Variants in FAM91A1 observed in about 807,000 individuals in gnomAD.
FAM91A1 encodes protein FAM91A1.
A neutral mutation model predicts 113.5 loss-of-function variants in FAM91A1; 41 were observed. That is an observed-to-expected ratio of 0.36 (90% CI 0.28 to 0.47). The LOEUF (loss-of-function observed/expected upper bound fraction) is 0.47, where lower values mean the gene tolerates loss of function less well. FAM91A1 is among the 20% of genes least tolerant of loss of function. The pLI is 1.00. For synonymous variants in FAM91A1, 307 were observed against 347.9 expected (o/e 0.88, Z 1.31); for missense variants, 696 against 1,001.2 (o/e 0.70, Z 4.11).
At chr8:123,782,942 T>A (rs780192253) in intron 8 of FAM91A1, among the ~76,000 whole-genome samples, 1 of 152,058 alleles carries the variant, frequency 6.6e-6, no homozygotes, top group Non-Finnish European at 1.5e-5. Context: ...AGCCAAGGTA[T>A]GAGAATTGCT....
At chr8:123,795,062 A>G (rs897527270) in intron 15 of FAM91A1, among the ~76,000 whole-genome samples, 6 of 152,206 alleles carry the variant, frequency 3.9e-5, no homozygotes, top group African/African-American at 1.4e-4. Flanking sequence ...ATACCTATAG[A>G]CTCTAATATG....
intron 1 of FAM91A1, 61 bp from the exon 2 acceptor site, chr8:123,774,019 A>C: frequency 7.4e-7 from 1 of 1,357,886 alleles, no homozygotes; most frequent in South Asian, 1.3e-5. Flanking sequence ...GTGTTATGGG[A>C]AAAAATAGTA....
intron 1 of FAM91A1, 71 bp downstream of exon 1, chr8:123,768,845 C>G (rs933699498): frequency 2.1e-5 from 31 of 1,482,286 alleles, no homozygotes; most frequent in Non-Finnish European, 2.2e-5. Flanking sequence ...TTGCCTCGCT[C>G]GCGGGGCCCG....
chr8:123,801,652 TAAA>T (rs756215922), intron 18 of FAM91A1, among the ~76,000 whole-genome samples: 4 of 152,174 alleles, frequency 2.6e-5, no homozygotes, highest in African/African-American at 9.7e-5. Flanking sequence ...GTGGAAGACT[TAAA>T]AAGAACTATC....
At position 123,812,686 on chromosome 8, in the gene FAM91A1, T is replaced by C. The variant is rs1241239863; in HGVS notation, c.2499T>C (p.Ala833=). The C allele has an allele frequency of 6.3e-7, 1 of 1,580,882 alleles. No homozygotes were observed. The highest frequency in any genetic ancestry group is 8.6e-7 in the Non-Finnish European group (1 of 1,168,136). Residue 833 remains alanine (A), a synonymous_variant, in exon 24 of 24, where the codon GCT becomes GCC. Transcript: ENST00000334705. ...GGTCACCTTCCTCACTTCTTATTGC[T>C]AATCTCCATTTGCAATAATTTGGTT... ...SGRSPSSLLI[A]NLHLQ is the part of the protein sequence containing the mutation.
chr8:123,810,471 G>A (rs1815925107), intron 23 of FAM91A1, 120 bp downstream of exon 23: 2 of 977,566 alleles, frequency 2.0e-6, no homozygotes, highest in Admixed American at 1.9e-5. Context: ...TAATTTTATT[G>A]TACAAATGAA....
intron 1 of FAM91A1, among the ~76,000 whole-genome samples, chr8:123,773,841 G>A (rs569180323): frequency 3.3e-5 from 5 of 151,984 alleles, no homozygotes; most frequent in African/African-American, 7.2e-5. Context: ...TAAATACTTC[G>A]GATAATTTTA....
chr8:123,775,076 A>G, intron 2 of FAM91A1, 71 bp from the exon 3 acceptor site: 1 of 1,388,546 alleles, frequency 7.2e-7, no homozygotes. Flanking sequence ...GTTGGTTTGT[A>G]AAGTGTTCAT....
chr8:123,801,947 G>A (rs1208373169), intron 18 of FAM91A1, among the ~76,000 whole-genome samples: 1 of 152,174 alleles, frequency 6.6e-6, no homozygotes, highest in East Asian at 1.9e-4. Context: ...AAGCTGTTCA[G>A]TGTTTTTGAG....
At chr8:123,790,680 A>G (rs1482241849) in intron 15 of FAM91A1, among the ~76,000 whole-genome samples, 1 of 152,220 alleles carries the variant, frequency 6.6e-6, no homozygotes, top group Admixed American at 6.5e-5. Flanking sequence ...GGGAGGATTC[A>G]GCTGTTACTT....
In FAM91A1 at chr8:123,800,118, C is replaced by T. The variant is rs574398117; in HGVS notation, c.1809+233C>T. ...GCATTGCAGCCTCACCTGCTTGCTG[C>T]GTGACCATGATTTTTTTTATTTTTT... On this transcript the variant is annotated intron_variant, in intron 18 of 23. Transcript: ENST00000334705. Among the ~76,000 whole-genome samples, 18 of 152,058 alleles carry T rather than the reference C, an allele frequency of 1.2e-4. No homozygotes were observed. In the South Asian group the frequency reaches 3.1e-3, roughly 26 times the overall value.
At chr8:123,783,535 G>A (rs1815173788) in intron 8 of FAM91A1, among the ~76,000 whole-genome samples, 1 of 152,166 alleles carries the variant, frequency 6.6e-6, no homozygotes, top group African/African-American at 2.4e-5. Context: ...CAGTGTCTCA[G>A]TTTTGACCAT....
At chr8:123,802,964 G>C (rs1375326829) in intron 18 of FAM91A1, among the ~76,000 whole-genome samples, 4 of 152,218 alleles carry the variant, frequency 2.6e-5, no homozygotes, top group Non-Finnish European at 4.4e-5. Context: ...AGTAGAAGTA[G>C]AGTGAAGGAA....
intron 14 of FAM91A1, 74 bp from the exon 15 acceptor site, chr8:123,789,539 C>G: frequency 6.3e-7 from 1 of 1,590,768 alleles, no homozygotes; most frequent in Non-Finnish European, 8.5e-7. Context: ...TCTTATATCT[C>G]TATTATATGA....
At chr8:123,779,021 G>A (rs927356986) in intron 6 of FAM91A1, among the ~76,000 whole-genome samples, 7 of 152,120 alleles carry the variant, frequency 4.6e-5, no homozygotes, top group Non-Finnish European at 1.0e-4. Context: ...TAGAAGCTTC[G>A]TGTAAAGTAA....
At position 123,812,848 on chromosome 8, in the gene FAM91A1, G is replaced by A. The variant is rs760010989; in HGVS notation, c.*144G>A. ...ATTAAAAGTTGGGGAACATATTCAT[G>A]TTTTCTGAAGTTTTGCTCATTATTG... On this transcript the variant is annotated 3_prime_UTR_variant, in exon 24 of 24. Coordinates refer to ENST00000334705, the MANE Select transcript of FAM91A1 (RefSeq NM_144963.4). The A allele has an allele frequency of 2.0e-5, 15 of 738,438 alleles. No homozygotes were observed. Among genetic ancestry groups the A allele is most frequent in the East Asian group, 3.2e-5 (1 of 31,718 alleles). The allele number at this position is 738,438 out of a possible 1,614,324, so 45.7% of individuals were successfully genotyped here.
intron 9 of FAM91A1, 157 bp from the exon 10 acceptor site, chr8:123,784,924 T>C (rs1815216299): frequency 3.8e-6 from 2 of 530,060 alleles, no homozygotes; most frequent in African/African-American, 2.0e-5. Context: ...ATCTTAGAGA[T>C]AGGGAAAGAA....
chr8:123,777,449 T>G (rs1815013529), intron 4 of FAM91A1, 127 bp downstream of exon 4: 2 of 793,752 alleles, frequency 2.5e-6, no homozygotes, highest in Admixed American at 2.7e-5. Flanking sequence ...GTAAGCAACA[T>G]TATCAGTGAG....
rs1211072841 is a variant in FAM91A1, at chr8:123,787,363, A to G, written c.1181A>G (p.Asn394Ser). ...CTTACTGCCTTCTTAATGATGGGAA[A>G]TCTTTCACCAGTAAGCCCAATTCTT... is the stretch of plus-strand genomic sequence containing the variant. ...STLTAFLMMG[N>S]LSPNLKSHAV... Residue 394 changes from asparagine to serine, a missense_variant, in exon 13 of 24, where the codon AAT becomes AGT. Transcript: ENST00000334705. 6.2e-7 allele frequency: 1 copy of G among 1,610,774 alleles called. No individual in the cohort carries two copies. Among genetic ancestry groups the G allele is most frequent in the Non-Finnish European group, 8.5e-7 (1 of 1,178,808 alleles).
Sources: allele counts gnomAD v4.1 joint callset (sites outside exome capture counted in the v4.1 genomes callset), GRCh38; gene constraint gnomAD v4.1.1; transcripts MANE v1.5; gene names NCBI Gene and HGNC (gene_info 2026-07-23, HGNC 2026-07-21).